The following TCERG1L variants were observed in gnomAD, a reference collection of about 807,000 sequenced individuals.
TCERG1L encodes transcription elongation regulator 1-like protein.
A neutral mutation model predicts 56.3 loss-of-function variants in TCERG1L; 37 were observed. That is an observed-to-expected ratio of 0.66 (90% CI 0.51 to 0.87). TCERG1L has a LOEUF of 0.87. Ranked by LOEUF, TCERG1L falls within the 40% of genes least tolerant of loss-of-function variation. The pLI, the probability that TCERG1L is intolerant of heterozygous loss-of-function variation, is 0.00. For missense variants in TCERG1L, 799 were observed against 774.2 expected, an observed-to-expected ratio of 1.03 and a Z score of -0.38; for synonymous variants, 324 against 326.3, an observed-to-expected ratio of 0.99 and a Z score of 0.08.
chr10:131,141,556 A>C (rs1191367765), intron 7 of TCERG1L, among the ~76,000 whole-genome samples: 1 of 152,080 alleles, frequency 6.6e-6, no homozygotes, highest in Non-Finnish European at 1.5e-5. Flanking sequence ...CAGTCCCTAA[A>C]TAAAGGATTG....
At chr10:131,240,306 C>T (rs574669577) in intron 4 of TCERG1L, among the ~76,000 whole-genome samples, 29 of 152,324 alleles carry the variant, frequency 1.9e-4, no homozygotes, top group Admixed American at 6.5e-4. Flanking sequence ...ATTATCCACA[C>T]GGAACTCAGA....
intron 10 of TCERG1L, among the ~76,000 whole-genome samples, chr10:131,099,691 T>A (rs905869016): frequency 6.6e-6 from 1 of 152,196 alleles, no homozygotes; most frequent in Admixed American, 6.5e-5. Flanking sequence ...TCCCACTTTG[T>A]CTTATTGTTT....
intron 6 of TCERG1L, chr10:131,161,257 T>C (rs1022843620): frequency 6.6e-6 from 1 of 151,936 alleles, no homozygotes; most frequent in African/African-American, 2.4e-5. Flanking sequence ...CGCTGTGTGG[T>C]CTGCAGCCTG....
intron 4 of TCERG1L, among the ~76,000 whole-genome samples, chr10:131,220,569 G>A (rs1209678948): frequency 6.6e-6 from 1 of 151,680 alleles, no homozygotes; most frequent in Non-Finnish European, 1.5e-5. Context: ...CAGAGAGGGA[G>A]GGAGGAAGGG....
intron 7 of TCERG1L, among the ~76,000 whole-genome samples, chr10:131,139,488 T>C (rs1429481789): frequency 6.6e-6 from 1 of 152,158 alleles, no homozygotes; most frequent in Non-Finnish European, 1.5e-5. Context: ...AGGGAGGCTC[T>C]GAGTCTGAAA....
intron 7 of TCERG1L, among the ~76,000 whole-genome samples, chr10:131,144,287 C>T (rs1845771297): frequency 6.6e-6 from 1 of 152,176 alleles, no homozygotes; most frequent in East Asian, 1.9e-4. Context: ...AAACAAAACT[C>T]TCCACTCAAA....
chr10:131,226,356 T>C (rs1328286473), intron 4 of TCERG1L, among the ~76,000 whole-genome samples: 1 of 152,188 alleles, frequency 6.6e-6, no homozygotes, highest in East Asian at 1.9e-4. Context: ...GGAGTCCAGG[T>C]GTGAGCCTCC....
intron 4 of TCERG1L, among the ~76,000 whole-genome samples, chr10:131,178,394 G>A (rs4601682): frequency 0.46 from 69,915 of 152,104 alleles, 19,185 homozygotes; most frequent in South Asian, 0.68. Context: ...GACAAATGGG[G>A]TAACGAGTAT....
chr10:131,120,548 G>A (rs1845502105), intron 8 of TCERG1L, among the ~76,000 whole-genome samples: 2 of 152,350 alleles, frequency 1.3e-5, no homozygotes, highest in South Asian at 4.1e-4. Context: ...TTGGCTCCAG[G>A]CTAGAGGAAT....
chr10:131,170,859 G>A (rs1846082999), intron 4 of TCERG1L, among the ~76,000 whole-genome samples: 1 of 152,090 alleles, frequency 6.6e-6, no homozygotes, highest in South Asian at 2.1e-4. Flanking sequence ...TTTAAGAAAA[G>A]TGTGGCGGCC....
intron 5 of TCERG1L, 150 bp downstream of exon 5, chr10:131,166,647 C>T (rs1846033002): frequency 1.3e-6 from 1 of 759,896 alleles, no homozygotes; most frequent in Admixed American, 2.7e-5. Context: ...CCCGCCTGGC[C>T]CCTTCAGTGC....
intron 3 of TCERG1L, among the ~76,000 whole-genome samples, chr10:131,269,359 G>C (rs1156964504): frequency 6.6e-6 from 1 of 152,098 alleles, no homozygotes; most frequent in Admixed American, 6.5e-5. Flanking sequence ...GCTCATTTTT[G>C]TATTTTCAGT....
intron 3 of TCERG1L, among the ~76,000 whole-genome samples, chr10:131,261,968 G>C (rs1156306162): frequency 2.0e-5 from 3 of 152,248 alleles, no homozygotes; most frequent in Non-Finnish European, 4.4e-5. Flanking sequence ...GGCGTGCGAA[G>C]GCCCCGTGGC....
chr10:131,158,135 G>A (rs1220296804), intron 6 of TCERG1L, among the ~76,000 whole-genome samples: 1 of 152,220 alleles, frequency 6.6e-6, no homozygotes, highest in Non-Finnish European at 1.5e-5. Flanking sequence ...GATGCCGCCC[G>A]TCCGCTGCCG....
At chr10:131,175,858 T>C (rs1333476724) in intron 4 of TCERG1L, among the ~76,000 whole-genome samples, 1 of 151,614 alleles carries the variant, frequency 6.6e-6, no homozygotes, top group Non-Finnish European at 1.5e-5. Flanking sequence ...AAGACAGGGA[T>C]TGAGATAGAG....
At chr10:131,270,597 C>T (rs1846330146) in intron 3 of TCERG1L, among the ~76,000 whole-genome samples, 3 of 152,222 alleles carry the variant, frequency 2.0e-5, no homozygotes, top group Non-Finnish European at 2.9e-5. Flanking sequence ...CCAGAAAACC[C>T]ACATGTGCTT....
At chr10:131,168,750 G>A (rs1846058921) in intron 4 of TCERG1L, among the ~76,000 whole-genome samples, 3 of 152,178 alleles carry the variant, frequency 2.0e-5, no homozygotes, top group Admixed American at 6.5e-5. Context: ...CAAATAGGCT[G>A]AGCAGGGATC....
intron 3 of TCERG1L, among the ~76,000 whole-genome samples, chr10:131,270,828 C>T (rs184451069): frequency 2.6e-5 from 4 of 152,294 alleles, no homozygotes; most frequent in Admixed American, 1.3e-4. Context: ...CAAAGGCCCG[C>T]GGTGATGATG....
At chr10:131,230,170 G>A (rs1311164674) in intron 4 of TCERG1L, among the ~76,000 whole-genome samples, 1 of 152,052 alleles carries the variant, frequency 6.6e-6, no homozygotes, top group Non-Finnish European at 1.5e-5. Context: ...GAGCAGAGGG[G>A]GCAGAGACGT....
Sources: allele counts gnomAD v4.1 joint callset (sites outside exome capture counted in the v4.1 genomes callset), GRCh38; gene constraint gnomAD v4.1.1; transcripts MANE v1.5; gene names NCBI Gene and HGNC (gene_info 2026-07-23, HGNC 2026-07-21).